The following IQSEC2 variants were observed in gnomAD, a reference collection of about 807,000 sequenced individuals.
IQSEC2 encodes IQ motif and Sec7 domain ArfGEF 2.
A neutral mutation model predicts 74.6 loss-of-function variants in IQSEC2; 6 were observed. The observed-to-expected ratio is 0.08, with a 90% CI of 0.04 to 0.16. The LOEUF (loss-of-function observed/expected upper bound fraction) is 0.16. IQSEC2 is among the 10% of genes least tolerant of loss of function. The probability of loss-of-function intolerance (pLI) is 1.00; values close to 1 mark genes in which losing one functional copy is unlikely to be tolerated. For missense variants in IQSEC2, 734 were observed against 1,306.2 expected, an observed-to-expected ratio of 0.56 and a Z score of 6.75; for synonymous variants, 494 against 544.5, an observed-to-expected ratio of 0.91 and a Z score of 1.29.
At chrX:53,266,658 T>G in intron 2 of IQSEC2, 1 of 844,273 alleles carries the variant, frequency 1.2e-6, no homozygotes, top group Non-Finnish European at 1.4e-6. Flanking sequence ...GCCTGGGAAG[T>G]GGGAGTGCGG....
At chrX:53,308,099 G>C (rs1250871845) in intron 1 of IQSEC2, among the ~76,000 whole-genome samples, 1 of 97,691 alleles carries the variant, frequency 1.0e-5, no homozygotes, top group Non-Finnish European at 2.0e-5. Flanking sequence ...GGGAGGCAGA[G>C]GTTGCAGTGA....
chrX:53,270,926 T>C (rs1489447777), intron 2 of IQSEC2, among the ~76,000 whole-genome samples: 2 of 111,281 alleles, frequency 1.8e-5, no homozygotes, highest in African/African-American at 6.5e-5. Context: ...GGCTTCTCTC[T>C]CCCTTGGATT....
chrX:53,288,108 C>T (rs2146406560), intron 2 of IQSEC2, among the ~76,000 whole-genome samples: 1 of 111,419 alleles, frequency 9.0e-6, no homozygotes, highest in South Asian at 3.8e-4. Context: ...CGGGCTGAGC[C>T]AAATGGGAGG....
chrX:53,263,342 C>G (rs1556866922), intron 2 of IQSEC2, among the ~76,000 whole-genome samples: 2 of 111,205 alleles, frequency 1.8e-5, no homozygotes, highest in East Asian at 2.8e-4. Context: ...TCCAATCCCA[C>G]AGACCCAAAT....
At chrX:53,262,789 G>A (rs944023956) in intron 2 of IQSEC2, among the ~76,000 whole-genome samples, 3 of 112,970 alleles carry the variant, frequency 2.7e-5, no homozygotes, top group Non-Finnish European at 3.7e-5. Context: ...CTTTGGGAGC[G>A]CAAGACCTGA....
At chrX:53,255,045 G>A (rs998254052) in intron 3 of IQSEC2, 114 bp from the exon 4 acceptor site, 22 of 725,876 alleles carry the variant, frequency 3.0e-5, no homozygotes, top group Middle Eastern at 4.3e-4. Flanking sequence ...TACAGCCACC[G>A]AGAGCGCCAG....
chrX:53,283,131 G>A (rs1267283278), intron 2 of IQSEC2, among the ~76,000 whole-genome samples: 3 of 112,505 alleles, frequency 2.7e-5, no homozygotes, highest in Non-Finnish European at 5.6e-5. Context: ...TGGGAGGATC[G>A]CTTAAGCCCC....
At chrX:53,249,145 A>G (rs890201050) in intron 5 of IQSEC2, among the ~76,000 whole-genome samples, 15 of 111,328 alleles carry the variant, frequency 1.3e-4, no homozygotes, top group Non-Finnish European at 1.3e-4. Context: ...CCACATCACA[A>G]TTGAAAGAAA....
intron 2 of IQSEC2, among the ~76,000 whole-genome samples, chrX:53,265,925 T>C (rs2074649005): frequency 8.9e-6 from 1 of 112,349 alleles, no homozygotes; most frequent in South Asian, 3.7e-4. Flanking sequence ...GACTGGAAAA[T>C]CCCAAAATCA....
At chrX:53,266,651 T>C (rs903467285) in intron 2 of IQSEC2, 1 of 843,709 alleles carries the variant, frequency 1.2e-6, no homozygotes, top group South Asian at 4.2e-5. Flanking sequence ...CCAGGGTGCC[T>C]GGGAAGTGGG....
chrX:53,241,637 C>T (rs1465949353), intron 10 of IQSEC2, 147 bp downstream of exon 10: 2 of 786,704 alleles, frequency 2.5e-6, no homozygotes, highest in African/African-American at 2.0e-5. Context: ...AAGGCCTGGG[C>T]CTTGCCTGAG....
Position 53,239,232 on chromosome X carries a change from G to A in IQSEC2, c.3078C>T (p.Pro1026=). 1 of 1,210,671 alleles carries A rather than the reference G, an allele frequency of 8.3e-7. No individual in the cohort carries two copies. The highest frequency in any genetic ancestry group is 1.1e-6 in the Non-Finnish European group (1 of 894,485). Residue 1026 remains proline, a synonymous_variant, in exon 11 of 15, where the codon CCC becomes CCT. Coordinates refer to ENST00000642864, the MANE Select transcript of IQSEC2 (RefSeq NM_001111125.3). The part of the protein sequence containing the change: ...LVTYSFRQSF[P]LVEMHMQLFQ... Reference sequence around the variant, plus strand: ...AGAGCTGCATGTGCATTTCCACGAGGGGGAAAGACTGACGGAAACTGTACG... The same window carrying A: ...AGAGCTGCATGTGCATTTCCACGAGAGGGAAAGACTGACGGAAACTGTACG...
In IQSEC2 at chrX:53,243,401, T is replaced by C; in HGVS notation, c.2820A>G (p.Glu940=). The change falls in exon 9 of 15, where the codon GAA becomes GAG. Residue 940 remains glutamate (E), a synonymous_variant. Coordinates refer to ENST00000642864, the MANE Select transcript of IQSEC2 (RefSeq NM_001111125.3). ...ACACATGGTCATCGTTGGTCCGCAG[T>C]TCACGCCCCTGGATGCGCTGGTAGA... ...VGIYQRIQGR[E]LRTNDDHVSQ... The C allele has an allele frequency of 8.6e-7, 1 of 1,168,493 alleles. No homozygotes were observed. The highest frequency in any genetic ancestry group is 1.1e-6 in the Non-Finnish European group (1 of 873,759).
intron 8 of IQSEC2, among the ~76,000 whole-genome samples, chrX:53,244,551 AGT>A (rs1363842668): frequency 1.8e-5 from 2 of 110,551 alleles, no homozygotes; most frequent in Non-Finnish European, 3.8e-5. Context: ...AAACTCACTA[AGT>A]GTTACTTATG....
At chrX:53,273,290 C>T (rs781835817) in intron 2 of IQSEC2, among the ~76,000 whole-genome samples, 5 of 110,585 alleles carry the variant, frequency 4.5e-5, no homozygotes, top group Admixed American at 1.9e-4. Context: ...CATCTGGCAG[C>T]CTTCTGGGCC....
chrX:53,306,377 C>A (rs1602366034), intron 1 of IQSEC2, among the ~76,000 whole-genome samples: 4 of 111,415 alleles, frequency 3.6e-5, no homozygotes, highest in African/African-American at 9.8e-5. Flanking sequence ...GGGATCAGAA[C>A]CCAGGTGTCC....
chrX:53,307,295 C>CTTTTTTTTTTTTTTTTTTTTTT (rs60909741), intron 1 of IQSEC2, among the ~76,000 whole-genome samples: 2 of 55,938 alleles, frequency 3.6e-5, no homozygotes, highest in South Asian at 1.1e-3. Flanking sequence ...TTCTTTCTTT[C>CTTTTTTTTTTTTTTTTTTTTTT]TTTTTTTTTT....
At chrX:53,258,838 C>T (rs782282434) in intron 2 of IQSEC2, among the ~76,000 whole-genome samples, 16 of 91,969 alleles carry the variant, frequency 1.7e-4, no homozygotes, top group Non-Finnish European at 2.4e-4. Flanking sequence ...AGCGAGACTC[C>T]GTCTAAAAAC....
intron 4 of IQSEC2, 97 bp from the exon 5 acceptor site, chrX:53,251,271 G>C: frequency 6.9e-6 from 6 of 863,815 alleles, no homozygotes; most frequent in African/African-American, 2.0e-5. Flanking sequence ...GGGAGGTAAG[G>C]AAAAAGGGGG....
Sources: allele counts gnomAD v4.1 joint callset (sites outside exome capture counted in the v4.1 genomes callset), GRCh38; gene constraint gnomAD v4.1.1; transcripts MANE v1.5; gene names NCBI Gene and HGNC (gene_info 2026-07-23, HGNC 2026-07-21).